Variants in DNAH11 observed in about 807,000 individuals in gnomAD.
DNAH11 encodes the protein dynein axonemal heavy chain 11.
A neutral mutation model predicts 526.0 loss-of-function variants in DNAH11; 442 were observed. That is an observed-to-expected ratio of 0.84 (90% CI 0.78 to 0.91). DNAH11 has a LOEUF of 0.91. Ranked by LOEUF, DNAH11 falls within the 40% of genes least tolerant of loss-of-function variation. DNAH11 has a pLI of 0.00. For missense variants in DNAH11, 6,989 were observed against 5,448.7 expected (o/e 1.28, Z -8.90); for synonymous variants, 2,461 against 1,935.9 (o/e 1.27, Z -7.12).
chr7:21,780,098 C>G (rs1480396154), intron 57 of DNAH11, among the ~76,000 whole-genome samples: 2 of 150,410 alleles, frequency 1.3e-5, no homozygotes, highest in Non-Finnish European at 3.0e-5. Flanking sequence ...TATTGAACAT[C>G]AAAACTCTAA....
intron 63 of DNAH11, among the ~76,000 whole-genome samples, chr7:21,815,453 G>A (rs745751678): frequency 5.9e-5 from 9 of 152,058 alleles, no homozygotes; most frequent in African/African-American, 9.7e-5. Context: ...TCCTATATTC[G>A]TATCAAATTG....
chr7:21,617,524 C>G (rs1389237589), intron 22 of DNAH11, 95 bp from the exon 23 acceptor site: 1 of 1,396,900 alleles, frequency 7.2e-7, no homozygotes, highest in Non-Finnish European at 9.8e-7. Context: ...CTTTTCTAAT[C>G]CAGGAGTTGG....
intron 51 of DNAH11, among the ~76,000 whole-genome samples, chr7:21,746,535 C>G (rs942892462): frequency 6.6e-6 from 1 of 151,832 alleles, no homozygotes; most frequent in Non-Finnish European, 1.5e-5. Context: ...CCCAGGAGTT[C>G]GAGGTTGCAG....
chr7:21,547,247 G>C lies in DNAH11; in HGVS notation c.495+2098G>C, dbSNP rs370947090. 1.9e-3 allele frequency among the ~76,000 whole-genome samples: 288 copies of C among 152,272 alleles called. 1 individual carries two copies. The highest frequency in any genetic ancestry group is 6.7e-3 in the African/African-American group (277 of 41,560). On this transcript the variant is annotated intron_variant, in intron 2 of 81. Coordinates refer to ENST00000409508, the MANE Select transcript of DNAH11 (RefSeq NM_001277115.2). ...TCCAGAGCATGTGGCTCAGAATTTC[G>C]TAGTGTTTTATCCACAGCTCATGAC...
At chr7:21,816,156 C>T (rs1233403692) in intron 63 of DNAH11, among the ~76,000 whole-genome samples, 1 of 152,114 alleles carries the variant, frequency 6.6e-6, no homozygotes, top group Admixed American at 6.6e-5. Flanking sequence ...GGTGTCCTGC[C>T]ATTCTTCCTG....
chr7:21,739,819 G>C, intron 48 of DNAH11, 146 bp downstream of exon 48: 1 of 600,506 alleles, frequency 1.7e-6, no homozygotes, highest in Non-Finnish European at 2.8e-6. Context: ...AACAGACAGG[G>C]GTTCTAATAA....
chr7:21,796,453 C>G (rs1053907046), intron 61 of DNAH11, among the ~76,000 whole-genome samples: 4 of 151,808 alleles, frequency 2.6e-5, no homozygotes, highest in African/African-American at 9.7e-5. Context: ...ATGAGGGAAG[C>G]AGAATGAAAA....
chr7:21,544,229 A>G (rs1236560072), intron 1 of DNAH11, among the ~76,000 whole-genome samples: 1 of 152,148 alleles, frequency 6.6e-6, no homozygotes, highest in Non-Finnish European at 1.5e-5. Context: ...TGTATTTAGT[A>G]TTTTTCAAGT....
chr7:21,548,224 C>T (rs557482101), intron 2 of DNAH11, among the ~76,000 whole-genome samples: 3 of 152,050 alleles, frequency 2.0e-5, no homozygotes, highest in African/African-American at 7.2e-5. Flanking sequence ...CCCAGCATAA[C>T]ACATACACCC....
intron 35 of DNAH11, among the ~76,000 whole-genome samples, chr7:21,693,587 G>C (rs1193123244): frequency 6.6e-6 from 1 of 152,100 alleles, no homozygotes; most frequent in South Asian, 2.1e-4. Flanking sequence ...AGGCCATTTG[G>C]ACCTAGAGAT....
intron 65 of DNAH11, among the ~76,000 whole-genome samples, chr7:21,840,778 A>G (rs1475406720): frequency 3.9e-5 from 6 of 152,236 alleles, no homozygotes; most frequent in African/African-American, 1.2e-4. Context: ...CCTAGTGACT[A>G]TTTACAGAAA....
intron 28 of DNAH11, among the ~76,000 whole-genome samples, chr7:21,651,670 A>C (rs532359656): frequency 1.3e-5 from 2 of 152,346 alleles, no homozygotes; most frequent in East Asian, 3.9e-4. Context: ...ATTTCATAAG[A>C]GGTTCTCCCT....
chr7:21,543,596 G>A lies in DNAH11; in HGVS notation c.351G>A (p.Glu117=). 1.3e-6 allele frequency: 2 copies of A among 1,586,966 alleles called. No individual in the cohort carries two copies. The highest frequency in any genetic ancestry group is 2.3e-5 in the East Asian group (1 of 43,712). Residue 117 remains glutamate (E), a splice_region_variant and synonymous_variant, in exon 1 of 82, where the codon GAG becomes GAA. Transcript: ENST00000409508. Reference sequence around the variant, plus strand: ...CGGGGCGCCTTGCGGCTTCCCAGGAGGTAAGAGGCGACGGGCAAGGGGACC... The same window carrying A: ...CGGGGCGCCTTGCGGCTTCCCAGGAAGTAAGAGGCGACGGGCAAGGGGACC... ...AASGRLAASQ[E]IPRDANHKLV... is the part of the protein sequence containing the mutation.
At chr7:21,824,479 TTTAG>T (rs1210590732) in intron 65 of DNAH11, among the ~76,000 whole-genome samples, 1 of 152,090 alleles carries the variant, frequency 6.6e-6, no homozygotes, top group Non-Finnish European at 1.5e-5. Flanking sequence ...TAAATATGTA[TTTAG>T]TCAAGTTTCT....
At chr7:21,659,135 A>C (rs893614471) in intron 30 of DNAH11, 104 bp downstream of exon 30, 1 of 963,494 alleles carries the variant, frequency 1.0e-6, no homozygotes, top group South Asian at 1.8e-5. Context: ...ATCTGTGTGC[A>C]AAATACTATG....
At chr7:21,815,779 T>A (rs76949309) in intron 63 of DNAH11, among the ~76,000 whole-genome samples, 134 of 152,248 alleles carry the variant, frequency 8.8e-4, no homozygotes, top group African/African-American at 3.1e-3. Context: ...TGCCACAACG[T>A]TATTTATTGT....
intron 34 of DNAH11, 27 bp from the exon 35 acceptor site, chr7:21,690,738 A>G (rs777858245): frequency 5.2e-6 from 8 of 1,547,634 alleles, no homozygotes; most frequent in Non-Finnish European, 1.8e-6. Context: ...AACACATTTA[A>G]TTTCATCAAC....
chr7:21,868,959 G>A lies in DNAH11; in HGVS notation c.11935G>A (p.Ala3979Thr), dbSNP rs1409416281. 6.2e-7 allele frequency: 1 copy of A among 1,614,022 alleles called. No individual in the cohort carries two copies. Among genetic ancestry groups the A allele is most frequent in the Non-Finnish European group, 8.5e-7 (1 of 1,179,882 alleles). Residue 3979 changes from alanine to threonine, a missense_variant, in exon 73 of 82, where the codon GCT becomes ACT. Transcript: ENST00000409508. ...ETVAEVALEK[A>T]SKGGHWVILQ... is the part of the protein sequence containing the mutation. Reference sequence around the variant, plus strand: ...GGTGGCAGAAGTGGCCCTGGAGAAAGCTTCCAAAGGAGGACACTGGGTCAT... The same window carrying A: ...GGTGGCAGAAGTGGCCCTGGAGAAAACTTCCAAAGGAGGACACTGGGTCAT...
intron 28 of DNAH11, among the ~76,000 whole-genome samples, chr7:21,643,390 A>G (rs1009166398): frequency 7.2e-5 from 11 of 152,116 alleles, no homozygotes; most frequent in Non-Finnish European, 1.2e-4. Flanking sequence ...CAGTTTGCAC[A>G]TTTTCTTTCT....
Sources: allele counts gnomAD v4.1 joint callset (sites outside exome capture counted in the v4.1 genomes callset), GRCh38; gene constraint gnomAD v4.1.1; transcripts MANE v1.5; gene names NCBI Gene and HGNC (gene_info 2026-07-23, HGNC 2026-07-21).